Variants in TRPM1 observed in about 807,000 individuals in gnomAD.
TRPM1 encodes the protein TRPM1-203 APA Isoform, Intron 10.
TRPM1 carries 113 observed loss-of-function variants against 149.4 expected under a neutral mutation model. The observed-to-expected ratio is 0.76, with a 90% CI of 0.65 to 0.88. TRPM1 has a LOEUF of 0.88. TRPM1 is among the 40% of genes least tolerant of loss of function. The pLI, the probability that TRPM1 is intolerant of heterozygous loss-of-function variation, is 0.00. For missense variants in TRPM1, 1,976 were observed against 2,038.7 expected, an observed-to-expected ratio of 0.97 and a Z score of 0.59; for synonymous variants, 741 against 759.5, an observed-to-expected ratio of 0.98 and a Z score of 0.40.
chr15:31,037,594 C>T (rs2033451476), intron 20 of TRPM1, 117 bp downstream of exon 20: 1 of 1,404,934 alleles, frequency 7.1e-7, no homozygotes, highest in South Asian at 1.2e-5. Context: ...TCTCATAATT[C>T]ATTTTAATTC....
At chr15:31,158,831 T>C (rs1313979150) in intron 1 of TRPM1, among the ~76,000 whole-genome samples, 1 of 152,114 alleles carries the variant, frequency 6.6e-6, no homozygotes, top group Non-Finnish European at 1.5e-5. Flanking sequence ...CAGGAATCAA[T>C]ATTATCATCT....
intron 1 of TRPM1, among the ~76,000 whole-genome samples, chr15:31,101,124 C>T (rs1567055858): frequency 6.6e-6 from 1 of 152,194 alleles, no homozygotes; most frequent in Admixed American, 6.5e-5. Context: ...CCTGTCTCTC[C>T]TAGAACTTCA....
At chr15:31,012,186 T>C (rs1431178039) in intron 27 of TRPM1, among the ~76,000 whole-genome samples, 1 of 152,228 alleles carries the variant, frequency 6.6e-6, no homozygotes, top group Non-Finnish European at 1.5e-5. Flanking sequence ...TATATTTACC[T>C]ATGTAGTTAA....
At chr15:31,153,511 G>A (rs1280811827) in intron 1 of TRPM1, among the ~76,000 whole-genome samples, 3 of 152,132 alleles carry the variant, frequency 2.0e-5, no homozygotes, top group South Asian at 2.1e-4. Flanking sequence ...TTTTAGTAGA[G>A]ACAGGGTTTC....
At chr15:31,088,177 C>T (rs141953329) in intron 1 of TRPM1, among the ~76,000 whole-genome samples, 2 of 152,140 alleles carry the variant, frequency 1.3e-5, no homozygotes, top group African/African-American at 2.4e-5. Flanking sequence ...TGTAACGCAC[C>T]AATCAGCACG....
intron 12 of TRPM1, 60 bp downstream of exon 12, chr15:31,050,349 C>T: frequency 2.5e-6 from 4 of 1,612,686 alleles, no homozygotes; most frequent in Non-Finnish European, 3.4e-6. Context: ...GGACAAGAAC[C>T]ATCCCTTCCC....
chr15:31,033,068 A>G (rs965241311), intron 21 of TRPM1, 128 bp from the exon 22 acceptor site: 20 of 1,276,908 alleles, frequency 1.6e-5, no homozygotes, highest in Non-Finnish European at 2.1e-5. Flanking sequence ...AAAACGTTTA[A>G]ACACTCTTCT....
intron 1 of TRPM1, among the ~76,000 whole-genome samples, chr15:31,094,867 GC>G (rs765949502): frequency 4.6e-5 from 7 of 152,226 alleles, no homozygotes; most frequent in Admixed American, 2.0e-4. Context: ...CAATTTTACT[GC>G]TAGGTATATA....
At chr15:31,077,022 T>C in intron 2 of TRPM1, 38 bp from the exon 3 acceptor site, 3 of 1,318,464 alleles carry the variant, frequency 2.3e-6, no homozygotes, top group Non-Finnish European at 2.2e-6. Flanking sequence ...GACCAATACA[T>C]TCCCAAGCCA....
chr15:31,140,485 C>T (rs964680457), intron 1 of TRPM1, among the ~76,000 whole-genome samples: 3 of 152,178 alleles, frequency 2.0e-5, no homozygotes, highest in African/African-American at 7.2e-5. Flanking sequence ...CTCATGAATG[C>T]CTTTCCCCCG....
At chr15:31,055,588 C>T (rs2034059644) in intron 11 of TRPM1, among the ~76,000 whole-genome samples, 2 of 152,176 alleles carry the variant, frequency 1.3e-5, no homozygotes, top group South Asian at 4.1e-4. Flanking sequence ...GGGTGCAGAG[C>T]AAGCAACTGC....
intron 27 of TRPM1, 127 bp downstream of exon 27, chr15:31,026,012 A>G (rs2032720209): frequency 7.2e-7 from 1 of 1,392,874 alleles, no homozygotes; most frequent in African/African-American, 1.4e-5. Context: ...GTTAAAACCT[A>G]AAGTTTAAAT....
chr15:31,017,137 C>CT (rs1238363705), intron 27 of TRPM1, among the ~76,000 whole-genome samples: 4 of 152,146 alleles, frequency 2.6e-5, no homozygotes, highest in African/African-American at 9.7e-5. Context: ...AAACCCCCGT[C>CT]TCTACTAAAA....
intron 1 of TRPM1, among the ~76,000 whole-genome samples, chr15:31,120,311 T>C (rs2035858824): frequency 6.6e-6 from 1 of 151,976 alleles, no homozygotes; most frequent in Admixed American, 6.6e-5. Flanking sequence ...AAATAGGACA[T>C]TACATAATAA....
chr15:31,047,329 T>C, intron 14 of TRPM1, 78 bp from the exon 15 acceptor site: 1 of 1,537,462 alleles, frequency 6.5e-7, no homozygotes, highest in Non-Finnish European at 9.0e-7. Context: ...AGGGGGTAAG[T>C]GGCTGTCCTG....
chr15:31,003,197 C>T (rs1595969195), intron 27 of TRPM1, 127 bp from the exon 28 acceptor site: 4 of 807,830 alleles, frequency 5.0e-6, no homozygotes, highest in Non-Finnish European at 7.5e-6. Flanking sequence ...AGTATATTTA[C>T]AAGCTTCACA....
In TRPM1 at chr15:31,040,409, G is replaced by A; in HGVS notation, c.2088-63C>T. Reference sequence around the variant, plus strand: ...TGGCCGCAAGCTGTTTCTTAGACAGGCATATCCACCAAGGACTTATGGAGC... The same window carrying A: ...TGGCCGCAAGCTGTTTCTTAGACAGACATATCCACCAAGGACTTATGGAGC... On this transcript the variant is annotated intron_variant, in intron 17 of 27. Transcript: ENST00000256552. This position sits in a 1 kb window ranked among gnomAD's most constrained non-coding sequence, Gnocchi z 4.2. 1 of 1,398,990 alleles carries A rather than the reference G, an allele frequency of 7.1e-7. No homozygotes were observed. Among genetic ancestry groups the A allele is most frequent in the Non-Finnish European group, 1.0e-6 (1 of 987,864 alleles). The allele number at this position is 1,398,990 out of a possible 1,614,324, so 86.7% of individuals were successfully genotyped here. A position where few individuals can be genotyped will look rare whatever the true frequency, so the allele number is the denominator to read the frequency against.
In TRPM1 at chr15:31,149,737, T is replaced by C. The variant is rs998548391; in HGVS notation, c.54+11169A>G. On this transcript the variant is annotated intron_variant, in intron 1 of 26. Coordinates refer to the TRPM1 transcript ENST00000542188. ...GGTTTCACCGTGTTAGCCAGGATGG[T>C]CTCGATCTCCTGACCTTGTGATCCG... 6.6e-5 allele frequency among the ~76,000 whole-genome samples: 10 copies of C among 152,196 alleles called. No individual in the cohort carries two copies. The East Asian group carries it at 1.7e-3, about 26-fold the overall frequency.
chr15:31,045,344 G>A (rs992611222), intron 16 of TRPM1, among the ~76,000 whole-genome samples: 3 of 152,138 alleles, frequency 2.0e-5, no homozygotes, highest in African/African-American at 7.2e-5. Flanking sequence ...TGTTCTTACG[G>A]TTGCTAGTAA....
Sources: gnomAD v4.1 joint callset for allele counts (sites outside exome capture counted in the v4.1 genomes callset) on GRCh38, gnomAD v4.1.1 for gene constraint, Gnocchi (gnomAD v3.1) non-coding constraint, MANE v1.5 for transcripts, NCBI Gene and HGNC (gene_info 2026-07-23, HGNC 2026-07-21) for gene names.